ACTR3C: variants seen among roughly 807,000 people sequenced by gnomAD.
ACTR3C encodes actin related protein 3C, also known as actin-related protein 3C.
A neutral mutation model predicts 26.3 loss-of-function variants in ACTR3C; 18 were observed. The observed-to-expected ratio is 0.68, with a 90% CI of 0.47 to 1.01. The LOEUF (loss-of-function observed/expected upper bound fraction) is 1.01, where lower values mean the gene tolerates loss of function less well. Among genes scored for constraint, ACTR3C ranks in the 50% least tolerant of loss-of-function variants. ACTR3C has a pLI of 0.00. For missense variants in ACTR3C, 184 were observed against 250.7 expected (o/e 0.73, Z 1.80); for synonymous variants, 55 against 94.5 (o/e 0.58, Z 2.42).
chr7:150,171,960 C>A, the ACTR3C span, among the ~76,000 whole-genome samples: 1 of 150,520 alleles, frequency 6.6e-6, no homozygotes, highest in East Asian at 1.9e-4. Flanking sequence ...TAAAGTCATG[C>A]GCCACCACAC....
the ACTR3C span, among the ~76,000 whole-genome samples, chr7:150,041,904 C>CA: frequency 3.6e-5 from 2 of 55,850 alleles, no homozygotes; most frequent in African/African-American, 1.5e-4. Context: ...TGGGGGTCCT[C>CA]AGAGCCAGGG....
chr7:150,237,892 T>C, the ACTR3C span, among the ~76,000 whole-genome samples: 3 of 141,512 alleles, frequency 2.1e-5, no homozygotes, highest in South Asian at 2.1e-4. Flanking sequence ...TGTTTTTTTT[T>C]CCCACGCAGG....
At chr7:150,031,264 A>T in the ACTR3C span, among the ~76,000 whole-genome samples, 1 of 89,680 alleles carries the variant, frequency 1.1e-5, no homozygotes, top group African/African-American at 4.3e-5. Flanking sequence ...CCCAAATTTA[A>T]AAAAAAAAAG....
At chr7:150,197,845 TCCCTCTC>T in the ACTR3C span, among the ~76,000 whole-genome samples, 14,977 of 148,662 alleles carry the variant, frequency 0.1, 2,681 homozygotes, top group African/African-American at 0.34. Context: ...TTTAACATAG[TCCCTCTC>T]CCCTCTCCCC....
At chr7:150,005,190 T>C in the ACTR3C span, 2 of 152,218 alleles carry the variant, frequency 1.3e-5, no homozygotes, top group Non-Finnish European at 2.9e-5. Context: ...GTTCTGTAAA[T>C]TAAAAATTCC....
chr7:150,154,393 T>C, the ACTR3C span, among the ~76,000 whole-genome samples: 2 of 152,034 alleles, frequency 1.3e-5, no homozygotes, highest in African/African-American at 4.8e-5. Flanking sequence ...TTTCCATTTA[T>C]ATTGTACTTT....
chr7:150,190,011 C>A, the ACTR3C span, among the ~76,000 whole-genome samples: 1 of 151,944 alleles, frequency 6.6e-6, no homozygotes, highest in Non-Finnish European at 1.5e-5. Context: ...TTTTGCATTA[C>A]CACAAGTAAA....
At chr7:149,937,021 C>A in the ACTR3C span, among the ~76,000 whole-genome samples, 1 of 152,158 alleles carries the variant, frequency 6.6e-6, no homozygotes. Context: ...AACTCCTGGG[C>A]TGAAGAAATC....
chr7:150,048,562 G>A, the ACTR3C span, among the ~76,000 whole-genome samples: 1 of 151,946 alleles, frequency 6.6e-6, no homozygotes, highest in African/African-American at 2.4e-5. Flanking sequence ...CGCAGCACGC[G>A]AGCGGACGGT....
chr7:150,143,501 T>A, the ACTR3C span, among the ~76,000 whole-genome samples: 2 of 152,152 alleles, frequency 1.3e-5, no homozygotes, highest in Non-Finnish European at 2.9e-5. Flanking sequence ...ATTCAACGAC[T>A]GTAAATAGTC....
intron 1 of ACTR3C, among the ~76,000 whole-genome samples, chr7:150,297,614 G>A (rs1795020477): frequency 1.3e-5 from 2 of 152,232 alleles, no homozygotes; most frequent in Non-Finnish European, 2.9e-5. Context: ...CACTTTGGGA[G>A]GCCGAGGCGG....
At chr7:150,125,685 G>A in the ACTR3C span, among the ~76,000 whole-genome samples, 48 of 152,166 alleles carry the variant, frequency 3.2e-4, no homozygotes, top group African/African-American at 4.3e-4. Flanking sequence ...TTCCCACTAT[G>A]TACCTAGATT....
rs1359302422 is a variant in ACTR3C at position 150,293,434 on chromosome 7, T to A, written c.46-15A>T. The A allele has an allele frequency of 6.4e-6, 10 of 1,554,602 alleles. No homozygotes were observed. The East Asian group carries it at 2.1e-4, about 33-fold the overall frequency. ...GCCAGCACTGCCTGGAGAAAAGACA[T>A]GAAAACCGCTCGCACATAGGAACTC... On this transcript the variant is annotated splice_polypyrimidine_tract_variant and intron_variant, in intron 2 of 7. Coordinates refer to ENST00000683684, the MANE Select transcript of ACTR3C (RefSeq NM_001164458.2).
At chr7:149,896,958 G>C in the ACTR3C span, among the ~76,000 whole-genome samples, 1 of 151,698 alleles carries the variant, frequency 6.6e-6, no homozygotes. Context: ...CTACTTGGGA[G>C]GCTGAGGCAG....
chr7:150,158,825 TGCACACACAG>T, the ACTR3C span, among the ~76,000 whole-genome samples: 81 of 146,914 alleles, frequency 5.5e-4, no homozygotes, highest in Middle Eastern at 3.5e-3. Flanking sequence ...GGCACACACA[TGCACACACAG>T]GCACACACAG....
chr7:149,957,302 C>CGATG, the ACTR3C span, among the ~76,000 whole-genome samples: 1 of 152,150 alleles, frequency 6.6e-6, no homozygotes, highest in Non-Finnish European at 1.5e-5. Flanking sequence ...TGACCCACTG[C>CGATG]GATGGCTAAT....
the ACTR3C span, among the ~76,000 whole-genome samples, chr7:150,113,767 C>A: frequency 6.6e-6 from 1 of 152,208 alleles, no homozygotes; most frequent in Non-Finnish European, 1.5e-5. Context: ...TCTAAACAGT[C>A]TATGCCTGGC....
intron 1 of ACTR3C, among the ~76,000 whole-genome samples, chr7:150,315,976 T>A (rs1421078138): frequency 6.6e-6 from 1 of 152,218 alleles, no homozygotes; most frequent in Non-Finnish European, 1.5e-5. Flanking sequence ...GGCGGGTGGA[T>A]CACCTGAGGT....
chr7:150,015,862 CT>C, the ACTR3C span, among the ~76,000 whole-genome samples: 1 of 152,212 alleles, frequency 6.6e-6, no homozygotes, highest in African/African-American at 2.4e-5. Context: ...TAGGAGCATT[CT>C]GGTAGTGTAT....
Sources: allele counts gnomAD v4.1 joint callset (sites outside exome capture counted in the v4.1 genomes callset), GRCh38; gene constraint gnomAD v4.1.1; transcripts MANE v1.5; gene names NCBI Gene and HGNC (gene_info 2026-07-23, HGNC 2026-07-21).